The following ANKRD36B variants were observed in gnomAD, a reference collection of about 807,000 sequenced individuals.
ANKRD36B encodes ankyrin repeat domain 36B.
A neutral mutation model predicts 135.7 loss-of-function variants in ANKRD36B; 37 were observed. That is an observed-to-expected ratio of 0.27 (90% CI 0.21 to 0.36). The LOEUF is 0.36. Among genes scored for constraint, ANKRD36B ranks in the 10% least tolerant of loss-of-function variants. The probability of loss-of-function intolerance (pLI) is 1.00; values close to 1 mark genes in which losing one functional copy is unlikely to be tolerated. For synonymous variants in ANKRD36B, 179 were observed against 348.1 expected (o/e 0.51, Z 5.41); for missense variants, 549 against 1,037.1 (o/e 0.53, Z 6.46).
intron 16 of ANKRD36B, among the ~76,000 whole-genome samples, chr2:97,552,201 T>C (rs2080129671): frequency 6.6e-6 from 1 of 152,012 alleles, no homozygotes; most frequent in Non-Finnish European, 1.5e-5. Flanking sequence ...TTTGACATAC[T>C]TCTACAAATA....
intron 12 of ANKRD36B, among the ~76,000 whole-genome samples, chr2:97,555,839 G>A (rs560111833): frequency 3.3e-4 from 50 of 152,032 alleles, no homozygotes; most frequent in South Asian, 8.3e-4. Flanking sequence ...CCCATGTGGT[G>A]TAATAATCTG....
chr2:97,561,701 A>C (rs2104782187), intron 6 of ANKRD36B, among the ~76,000 whole-genome samples: 1 of 152,100 alleles, frequency 6.6e-6, no homozygotes, highest in South Asian at 2.1e-4. Context: ...CATTATTTTC[A>C]CTTCTAAAAT....
At position 97,551,816 on chromosome 2, in the gene ANKRD36B, G is replaced by C. The variant is rs539186577; in HGVS notation, c.1274-336C>G. ...AGGAGAAACTCATACACCTGAGAATGAATGTCAAAGCAGGTGCTACATGAT... is the reference window on the plus strand; with the variant it reads ...AGGAGAAACTCATACACCTGAGAATCAATGTCAAAGCAGGTGCTACATGAT... On this transcript the variant is annotated intron_variant, in intron 16 of 43. Coordinates refer to ENST00000359901, the MANE Select transcript of ANKRD36B (RefSeq NM_001393939.1). Among the ~76,000 whole-genome samples, 74 of 152,044 alleles carry C rather than the reference G, an allele frequency of 4.9e-4. 2 individuals are homozygous for C. In the East Asian group the frequency reaches 9.6e-3, roughly 20 times the overall value.
intron 6 of ANKRD36B, among the ~76,000 whole-genome samples, chr2:97,571,172 T>G (rs1379748021): frequency 6.6e-6 from 1 of 152,034 alleles, no homozygotes; most frequent in Non-Finnish European, 1.5e-5. Flanking sequence ...CTCACCAAGG[T>G]TTCTTTTATA....
intron 12 of ANKRD36B, among the ~76,000 whole-genome samples, 162 bp downstream of exon 12, chr2:97,556,775 C>A (rs1258946967): frequency 6.6e-6 from 1 of 151,860 alleles, no homozygotes; most frequent in African/African-American, 2.4e-5. Context: ...GACCAAGGAC[C>A]AGCAGCATCA....
intron 12 of ANKRD36B, among the ~76,000 whole-genome samples, chr2:97,555,792 G>C (rs2104715691): frequency 6.6e-6 from 1 of 151,972 alleles, no homozygotes; most frequent in South Asian, 2.1e-4. Context: ...ATATATGGTT[G>C]GTGAATCCTA....
At chr2:97,554,114 G>C (rs13427441) in intron 14 of ANKRD36B, among the ~76,000 whole-genome samples, 1 of 146,126 alleles carries the variant, frequency 6.8e-6, no homozygotes, top group Non-Finnish European at 1.6e-5. Context: ...AAATAAAACT[G>C]CTAAAAGCAT....
intron 14 of ANKRD36B, 95 bp from the exon 15 acceptor site, chr2:97,553,466 C>T: frequency 7.1e-7 from 1 of 1,408,724 alleles, no homozygotes; most frequent in East Asian, 2.4e-5. Flanking sequence ...TATCCGCCTG[C>T]CTGTATTAGT....
At chr2:97,555,348 T>A (rs2080420565) in intron 12 of ANKRD36B, 94 bp from the exon 13 acceptor site, 2 of 1,547,008 alleles carry the variant, frequency 1.3e-6, no homozygotes, top group Non-Finnish European at 1.8e-6. Context: ...TGTATCTTCC[T>A]GCCTGTATTA....
chr2:97,514,675 C>G (rs901701237), intron 37 of ANKRD36B, among the ~76,000 whole-genome samples: 4 of 92,870 alleles, frequency 4.3e-5, no homozygotes, highest in African/African-American at 1.3e-4. Flanking sequence ...TTGGGTAACA[C>G]TTTCAGTCTA....
chr2:97,547,838 A>G lies in ANKRD36B; in HGVS notation c.1478-107T>C, dbSNP rs368730378. ...CCTCTGTCTTCCTGCCTGTATTAGC[A>G]TAGGCTTTGATGGCTTCTACTTTGT... is the stretch of plus-strand genomic sequence containing the variant. On this transcript the variant is annotated intron_variant, in intron 20 of 43. Transcript: ENST00000359901. 9.8e-5 allele frequency: 143 copies of G among 1,454,444 alleles called. 11 individuals are homozygous for G. The highest frequency in any genetic ancestry group is 4.7e-4 in the East Asian group (19 of 40,374). The allele number at this position is 1,454,444 out of a possible 1,614,324, so 90.1% of individuals were successfully genotyped here.
In ANKRD36B at chr2:97,496,833, GTATATATATATA is replaced by G. The variant is rs56775263; in HGVS notation, c.*7-3990_*7-3979del. Reference sequence around the variant, plus strand: ...TGTGTGTGTATGTATATATGTGTGTGTATATATATATATATATATATATATATCTTTTAAAAT... The same window carrying G: ...TGTGTGTGTATGTATATATGTGTGTGTATATATATATATATCTTTTAAAAT... On this transcript the variant is annotated intron_variant, in intron 43 of 43. Transcript: ENST00000359901. Among the ~76,000 whole-genome samples the G allele has an allele frequency of 4.8e-5, 3 of 62,090 alleles. 1 individual carries two copies. The highest frequency in any genetic ancestry group is 2.6e-4 in the African/African-American group (3 of 11,404). The allele number at this position is 62,090 out of a possible 152,430, so 40.7% of individuals were successfully genotyped here.
intron 12 of ANKRD36B, among the ~76,000 whole-genome samples, chr2:97,556,377 C>A (rs1324409681): frequency 6.6e-6 from 1 of 151,876 alleles, no homozygotes; most frequent in Non-Finnish European, 1.5e-5. Context: ...TGCAAACATT[C>A]TAAATGCATC....
chr2:97,530,803 A>C (rs2078536721), intron 35 of ANKRD36B, among the ~76,000 whole-genome samples: 1 of 98,150 alleles, frequency 1.0e-5, no homozygotes, highest in Non-Finnish European at 2.7e-5. Flanking sequence ...ACACATGAAA[A>C]AATGCTCATC....
In ANKRD36B at chr2:97,546,507, T is replaced by G. The variant is rs141922439; in HGVS notation, c.1580-646A>C. On this transcript the variant is annotated intron_variant, in intron 22 of 43. Coordinates refer to ENST00000359901, the MANE Select transcript of ANKRD36B (RefSeq NM_001393939.1). ...CTAGTTTAGACTTCTGAAAATTTCTTCATCCACTCTTGGCACCAAAGGATA... is the reference window on the plus strand; with the variant it reads ...CTAGTTTAGACTTCTGAAAATTTCTGCATCCACTCTTGGCACCAAAGGATA... Among the ~76,000 whole-genome samples the G allele has an allele frequency of 2.9e-3, 442 of 151,864 alleles. 2 individuals are homozygous for G. The highest frequency in any genetic ancestry group is 0.01 in the African/African-American group (426 of 41,514).
chr2:97,573,146 G>A (rs1202696680), intron 6 of ANKRD36B, among the ~76,000 whole-genome samples: 1 of 151,852 alleles, frequency 6.6e-6, no homozygotes, highest in Non-Finnish European at 1.5e-5. Context: ...TCCCAGCTAT[G>A]AGTGACAACA....
intron 6 of ANKRD36B, among the ~76,000 whole-genome samples, chr2:97,563,345 C>T (rs1467472185): frequency 2.0e-5 from 3 of 151,416 alleles, no homozygotes; most frequent in Non-Finnish European, 4.4e-5. Context: ...GAGCAAAGTA[C>T]GTTAGACAGG....
Position 97,551,378 on chromosome 2 carries a change from A to G in ANKRD36B, c.1303-17T>C. The G allele has an allele frequency of 6.2e-7, 1 of 1,601,928 alleles. No homozygotes were observed. ...ACTTGTGGCCTGAATGGAATTTGAA[A>G]CAAAATAATAAATAAGGTATGTTTC... On this transcript the variant is annotated splice_polypyrimidine_tract_variant and intron_variant, in intron 17 of 43. Transcript: ENST00000359901.
chr2:97,524,312 G>C (rs1375692338), intron 35 of ANKRD36B: 1 of 93,982 alleles, frequency 1.1e-5, no homozygotes, highest in Non-Finnish European at 2.8e-5. Flanking sequence ...TTGGTTTTTT[G>C]TCATTTGCCT....
Sources: gnomAD v4.1 joint callset for allele counts (sites outside exome capture counted in the v4.1 genomes callset) on GRCh38, gnomAD v4.1.1 for gene constraint, MANE v1.5 for transcripts, NCBI Gene and HGNC (gene_info 2026-07-23, HGNC 2026-07-21) for gene names.